The following ALOX12B variants were observed in gnomAD, a reference collection of about 807,000 sequenced individuals.
ALOX12B encodes the protein arachidonate 12-lipoxygenase, 12R-type.
In ALOX12B, 47 loss-of-function variants were observed where a neutral mutation model predicts 78.9. The observed-to-expected ratio is 0.60, with a 90% CI of 0.47 to 0.76. The LOEUF is 0.76. ALOX12B is among the 30% of genes least tolerant of loss of function. ALOX12B has a pLI of 0.00. For missense variants in ALOX12B, 805 were observed against 922.6 expected, an observed-to-expected ratio of 0.87 and a Z score of 1.65; for synonymous variants, 370 against 374.5, an observed-to-expected ratio of 0.99 and a Z score of 0.14.
intron 12 of ALOX12B, 124 bp from the exon 13 acceptor site, chr17:8,073,881 C>T: frequency 1.3e-6 from 1 of 763,332 alleles, no homozygotes; most frequent in Non-Finnish European, 2.3e-6. Context: ...GCATCCGTAC[C>T]CTCATCCTGC....
At chr17:8,084,661 G>C (rs1187565642) in intron 2 of ALOX12B, among the ~76,000 whole-genome samples, 1 of 152,170 alleles carries the variant, frequency 6.6e-6, no homozygotes, top group African/African-American at 2.4e-5. Flanking sequence ...CCCCAGCTCA[G>C]GCCCTGTTCC....
chr17:8,078,894 CTTTTTTT>C (rs398030274), intron 8 of ALOX12B, among the ~76,000 whole-genome samples: 1 of 115,294 alleles, frequency 8.7e-6, no homozygotes, highest in Admixed American at 8.6e-5. Flanking sequence ...AATACTGGGA[CTTTTTTT>C]TTTTTTTTTT....
Position 8,073,137 on chromosome 17 carries a change from CCGTCTCGCACCCTGT to C in ALOX12B, c.1922_1926+10del. On this transcript the variant is annotated splice_donor_variant and splice_donor_5th_base_variant and coding_sequence_variant and intron_variant, in exon 14 of 15. Coordinates refer to ENST00000647874, the MANE Select transcript of ALOX12B (RefSeq NM_001139.3). ...CTCCCTGTGCTCAGAGTCCCCCATC[CCGTCTCGCACCCTGT>C]CGTCAGGCTCTCGGCTGAGGGTCCA... 1 of 1,614,066 alleles carries C rather than the reference CCGTCTCGCACCCTGT, an allele frequency of 6.2e-7. No homozygotes were observed. Among genetic ancestry groups the C allele is most frequent in the South Asian group, 1.1e-5 (1 of 91,078 alleles).
chr17:8,084,107 G>A (rs540378699), intron 2 of ALOX12B, among the ~76,000 whole-genome samples: 1 of 151,922 alleles, frequency 6.6e-6, no homozygotes, highest in Non-Finnish European at 1.5e-5. Context: ...GCAGTGAGCC[G>A]AGATTGCGCC....
At chr17:8,078,894 CTTTTTTTTTTTT>C (rs398030274) in intron 8 of ALOX12B, among the ~76,000 whole-genome samples, 1 of 115,294 alleles carries the variant, frequency 8.7e-6, no homozygotes, top group African/African-American at 3.3e-5. Flanking sequence ...AATACTGGGA[CTTTTTTTTTTTT>C]TTTTTTTTTG....
At position 8,076,705 on chromosome 17, in the gene ALOX12B, G is replaced by A. The variant is rs954174188; in HGVS notation, c.1314C>T (p.Asn438=). The change falls in exon 10 of 15, where the codon AAC becomes AAT. Residue 438 remains asparagine, a synonymous_variant. Coordinates refer to ENST00000647874, the MANE Select transcript of ALOX12B (RefSeq NM_001139.3). ...IPHTRYTVQI[N]SIGRAVLLNE... is the part of the protein sequence containing the mutation. ...TGAGGAGAACGGCCCGGCCAATGCT[G>A]TTGATCTGGACGGTGTATCGGGTAT... 3.9e-6 allele frequency: 6 copies of A among 1,550,974 alleles called. No individual in the cohort carries two copies. In the African/African-American group the frequency reaches 6.8e-5, roughly 18 times the overall value.
Position 8,086,174 on chromosome 17 carries a change from A to T in ALOX12B, c.194T>A (p.Ile65Asn), listed in dbSNP as rs542947562. The T allele has an allele frequency of 3.7e-6, 6 of 1,613,984 alleles. No individual in the cohort carries two copies. Among genetic ancestry groups the T allele is most frequent in the Non-Finnish European group, 5.1e-6 (6 of 1,179,994 alleles). Residue 65 changes from isoleucine (I) to asparagine (N), a missense_variant, in exon 2 of 15, where the codon ATC becomes AAC. Physicochemically the swap from Ile to Asn is moderately radical, Grantham distance 149. Transcript: ENST00000647874. ...CCGCTCTTTGTGCAGGCGGATGATG[A>T]TGAGCTCACCCAGGTCCTGAGGGCA... ...VQCPQDLGEL[I>N]IIRLHKERYA...
chr17:8,082,847 C>T (rs1232392458), intron 2 of ALOX12B, among the ~76,000 whole-genome samples: 1 of 152,194 alleles, frequency 6.6e-6, no homozygotes, highest in Non-Finnish European at 1.5e-5. Context: ...TGGTCCCCAA[C>T]ACCAGGCACT....
intron 2 of ALOX12B, 26 bp from the exon 3 acceptor site, chr17:8,081,213 C>G: frequency 6.2e-7 from 1 of 1,610,184 alleles, no homozygotes; most frequent in Non-Finnish European, 8.5e-7. Context: ...GGAGAGGACT[C>G]AAGGGCTGAC....
chr17:8,084,121 G>A (rs146146447), intron 2 of ALOX12B, among the ~76,000 whole-genome samples: 9 of 151,896 alleles, frequency 5.9e-5, no homozygotes, highest in Middle Eastern at 3.4e-3. Context: ...TTGCGCCACT[G>A]CACTCCAGGG....
chr17:8,076,884 C>T, intron 9 of ALOX12B, 106 bp downstream of exon 9: 1 of 1,265,142 alleles, frequency 7.9e-7, no homozygotes, highest in Admixed American at 2.0e-5. Flanking sequence ...CCAGATGCCC[C>T]CCAGGCTGAC....
rs372906468 is a variant in ALOX12B at position 8,079,954 on chromosome 17, C to T, written c.755-13G>A. 1 of 1,608,966 alleles carries T rather than the reference C, an allele frequency of 6.2e-7. No homozygotes were observed. The highest frequency in any genetic ancestry group is 1.3e-5 in the African/African-American group (1 of 74,970). The stretch of plus-strand genomic sequence containing the variant: ...TCGGCCACGTACTCTGCGAGGACGG[C>T]GCGAGGGCGTCACAAGGAGGCCCGG... On this transcript the variant is annotated splice_polypyrimidine_tract_variant and intron_variant, in intron 6 of 14. Transcript: ENST00000647874. The surrounding 1 kb of genome is among the most constrained non-coding windows in gnomAD (Gnocchi z 6.4).
Position 8,080,255 on chromosome 17 carries a change from C to T in ALOX12B, c.734G>A (p.Gly245Asp), listed in dbSNP as rs766164699. 1 of 1,614,208 alleles carries T rather than the reference C, an allele frequency of 6.2e-7. No individual in the cohort carries two copies. ...CATACCGGAGACGACAGATTTCTTG[C>T]CAGGGAAAATTTTCCTAATGTCCTT... is the stretch of plus-strand genomic sequence containing the variant. ...RLKDIRKIFP[G>D]KKSVVSEYVA... The change falls in exon 6 of 15, where the codon GGC becomes GAC. Residue 245 changes from glycine to aspartate, a missense_variant. Physicochemically the swap from Gly to Asp is moderately conservative, Grantham distance 94. Transcript: ENST00000647874. This position sits in a 1 kb window ranked among gnomAD's most constrained non-coding sequence, Gnocchi z 4.8.
intron 8 of ALOX12B, 126 bp from the exon 9 acceptor site, chr17:8,077,319 G>T (rs2151822146): frequency 1.1e-6 from 1 of 949,310 alleles, no homozygotes; most frequent in Non-Finnish European, 1.6e-6. Context: ...CGGTCCCACT[G>T]GTCCCCTGAG....
chr17:8,078,596 G>A (rs1251725039), intron 8 of ALOX12B, among the ~76,000 whole-genome samples: 1 of 151,982 alleles, frequency 6.6e-6, no homozygotes, highest in East Asian at 2.0e-4. Context: ...AGCGCTCCTT[G>A]TGTACACGCA....
At chr17:8,085,135 C>T in intron 2 of ALOX12B, among the ~76,000 whole-genome samples, 1 of 152,118 alleles carries the variant, frequency 6.6e-6, no homozygotes, top group East Asian at 1.9e-4. Context: ...AATATGGTGT[C>T]CTGTTGGGAA....
chr17:8,080,922 G>A lies in ALOX12B; in HGVS notation c.489C>T (p.Arg163=), dbSNP rs1232743023. Reference sequence around the variant, plus strand: ...GGTTGCGATGCCTCCGCACCGGAGGGCGGTAACTGGGAATGTGCACATAGC... The same window carrying A: ...GGTTGCGATGCCTCCGCACCGGAGGACGGTAACTGGGAATGTGCACATAGC... ...LPSYVHIPSY[R]PPVRRHRNPN... Residue 163 remains arginine (R), a synonymous_variant, in exon 4 of 15, where the codon CGC becomes CGT. Transcript: ENST00000647874. This position sits in a 1 kb window ranked among gnomAD's most constrained non-coding sequence, Gnocchi z 4.8. 4.3e-6 allele frequency: 7 copies of A among 1,613,820 alleles called. No homozygotes were observed. The African/African-American group carries it at 6.7e-5, about 15-fold the overall frequency.
rs953350507 is a variant in ALOX12B, at chr17:8,079,105, G to C, written c.1071+291C>G. On this transcript the variant is annotated intron_variant, in intron 8 of 14. Coordinates refer to ENST00000647874, the MANE Select transcript of ALOX12B (RefSeq NM_001139.3). The surrounding 1 kb of genome is among the most constrained non-coding windows in gnomAD (Gnocchi z 6.4). Reference sequence around the variant, plus strand: ...GTAGAGACGGGGTTTCACCGTGTTAGCCAGGATGGTCTCGATCTCCTGACC... The same window carrying C: ...GTAGAGACGGGGTTTCACCGTGTTACCCAGGATGGTCTCGATCTCCTGACC... Among the ~76,000 whole-genome samples the C allele has an allele frequency of 1.3e-5, 2 of 152,012 alleles. No homozygotes were observed. Among genetic ancestry groups the C allele is most frequent in the African/African-American group, 4.8e-5 (2 of 41,386 alleles).
intron 2 of ALOX12B, among the ~76,000 whole-genome samples, chr17:8,084,677 C>A (rs1480826419): frequency 6.6e-6 from 1 of 152,232 alleles, no homozygotes; most frequent in Non-Finnish European, 1.5e-5. Context: ...GTTCCCCAAT[C>A]CTGGGGGAAG....
Sources: allele counts gnomAD v4.1 joint callset (sites outside exome capture counted in the v4.1 genomes callset), GRCh38; gene constraint gnomAD v4.1.1; non-coding constraint Gnocchi (gnomAD v3.1); transcripts MANE v1.5; gene names NCBI Gene and HGNC (gene_info 2026-07-23, HGNC 2026-07-21).